The following EXOC5 variants were observed in gnomAD, a reference collection of about 807,000 sequenced individuals.
EXOC5 encodes the protein exocyst complex component 5.
In EXOC5, 17 loss-of-function variants were observed where a neutral mutation model predicts 90.8. The ratio of observed to expected loss-of-function variants is 0.19; its 90% CI spans 0.13 to 0.28. EXOC5 has a LOEUF of 0.28. Among genes scored for constraint, EXOC5 ranks in the 10% least tolerant of loss-of-function variants. The pLI is 1.00. For missense variants in EXOC5, 569 were observed against 830.6 expected, an observed-to-expected ratio of 0.69 and a Z score of 3.87; for synonymous variants, 260 against 270.0, an observed-to-expected ratio of 0.96 and a Z score of 0.36.
intron 1 of EXOC5, among the ~76,000 whole-genome samples, chr14:57,254,429 T>A (rs1313785421): frequency 1.3e-5 from 2 of 150,006 alleles, no homozygotes; most frequent in African/African-American, 4.9e-5. Flanking sequence ...AGTGAGTGAA[T>A]CTGTTCCAAA....
Position 57,218,820 on chromosome 14 carries a change from T to C in EXOC5, c.1526+502A>G, listed in dbSNP as rs566293893. The stretch of plus-strand genomic sequence containing the variant: ...TAATTCTGTAAAGCATGTTCACATA[T>C]ACACCATCTTATTTAATTCTCAAAT... On this transcript the variant is annotated intron_variant, in intron 14 of 17. Transcript: ENST00000621441. Among the ~76,000 whole-genome samples the C allele has an allele frequency of 5.3e-5, 8 of 152,236 alleles. No homozygotes were observed. In the South Asian group the frequency reaches 1.7e-3, roughly 32 times the overall value.
In EXOC5 at chr14:57,205,634, G is replaced by C. The variant is rs954014005; in HGVS notation, c.*2975C>G. On this transcript the variant is annotated 3_prime_UTR_variant, in exon 18 of 18. Coordinates refer to ENST00000621441, the MANE Select transcript of EXOC5 (RefSeq NM_006544.4). ...TTACAGGTAAGAAAAACGCATTTTAGGGAAGCAGTGAATTCTCCACTTGGA... is the reference window on the plus strand; with the variant it reads ...TTACAGGTAAGAAAAACGCATTTTACGGAAGCAGTGAATTCTCCACTTGGA... The C allele has an allele frequency of 3.1e-6, 1 of 325,986 alleles. No homozygotes were observed. Among genetic ancestry groups the C allele is most frequent in the South Asian group, 2.6e-5 (1 of 38,478 alleles). The allele number at this position is 325,986 out of a possible 1,614,324, so 20.2% of individuals were successfully genotyped here.
chr14:57,228,669 C>T (rs943684617), intron 12 of EXOC5, among the ~76,000 whole-genome samples: 3 of 144,832 alleles, frequency 2.1e-5, no homozygotes, highest in Non-Finnish European at 3.0e-5. Context: ...AACACATGGA[C>T]ACAGGGAGGG....
chr14:57,227,075 T>C (rs10148605), intron 12 of EXOC5, among the ~76,000 whole-genome samples: 22,007 of 152,054 alleles, frequency 0.14, 2,999 homozygotes, highest in African/African-American at 0.37. Context: ...ATCTGATAAA[T>C]TGTAACAATA....
chr14:57,237,375 C>A lies in EXOC5; in HGVS notation c.531-9G>T, dbSNP rs766468206. On this transcript the variant is annotated splice_polypyrimidine_tract_variant and intron_variant, in intron 5 of 17. Transcript: ENST00000621441. The stretch of plus-strand genomic sequence containing the variant: ...ATTTAACTTCTGAAAATCTGAAAGA[C>A]AAAAACCAACCATGAGGTTTGTTAG... The A allele has an allele frequency of 1.5e-5, 23 of 1,520,144 alleles. No homozygotes were observed. The African/African-American group carries it at 2.9e-4, about 19-fold the overall frequency. 94.2% of individuals were successfully genotyped at this position (1,520,144 alleles called of 1,614,324 possible).
At chr14:57,264,407 C>T (rs1884608150) in intron 1 of EXOC5, among the ~76,000 whole-genome samples, 1 of 152,120 alleles carries the variant, frequency 6.6e-6, no homozygotes, top group South Asian at 2.1e-4. Context: ...AGGTGTTCTT[C>T]AATATTCATA....
Position 57,201,533 on chromosome 14 carries a change from CCACACAT to C in EXOC5, c.*7069_*7075del, listed in dbSNP as rs1566720570. ...ACATATGTATATATATACACACACA[CCACACAT>C]ATACATATATTTTTATATATATTAA... On this transcript the variant is annotated 3_prime_UTR_variant, in exon 18 of 18. Coordinates refer to ENST00000621441, the MANE Select transcript of EXOC5 (RefSeq NM_006544.4). The C allele has an allele frequency of 3.3e-4, 44 of 134,086 alleles. No homozygotes were observed. Among genetic ancestry groups the C allele is most frequent in the African/African-American group, 1.4e-3 (43 of 30,464 alleles). 8.3% of individuals were successfully genotyped at this position (134,086 alleles called of 1,614,324 possible). A position where few individuals can be genotyped will look rare whatever the true frequency, so the allele number is the denominator to read the frequency against.
rs1007405990 is a variant in EXOC5, at chr14:57,204,397, T to A, written c.*4212A>T. On this transcript the variant is annotated 3_prime_UTR_variant, in exon 18 of 18. Transcript: ENST00000621441. ...ATGACAGCTTTTAAAACCCTTAACA[T>A]GCAATTCTGATTACATGAAAATGAC... 7 of 152,116 alleles carry A rather than the reference T, an allele frequency of 4.6e-5. No homozygotes were observed. The highest frequency in any genetic ancestry group is 3.3e-4 in the Admixed American group (5 of 15,262). The allele number at this position is 152,116 out of a possible 1,614,324, so 9.4% of individuals were successfully genotyped here.
intron 9 of EXOC5, 122 bp downstream of exon 9, chr14:57,233,621 C>G (rs948462486): frequency 1.6e-6 from 1 of 621,906 alleles, no homozygotes; most frequent in South Asian, 2.5e-5. Context: ...TTCTCCTTAA[C>G]TAGATTACTA....
At chr14:57,264,484 C>G (rs1356077226) in intron 1 of EXOC5, among the ~76,000 whole-genome samples, 1 of 152,060 alleles carries the variant, frequency 6.6e-6, no homozygotes, top group Non-Finnish European at 1.5e-5. Context: ...GCACTATTAT[C>G]AAGGAACCTA....
At chr14:57,210,649 T>C (rs1220412382) in intron 15 of EXOC5, among the ~76,000 whole-genome samples, 3 of 152,230 alleles carry the variant, frequency 2.0e-5, no homozygotes, top group Non-Finnish European at 4.4e-5. Flanking sequence ...GACACCCATG[T>C]GGACAATCCG....
intron 15 of EXOC5, among the ~76,000 whole-genome samples, chr14:57,213,671 T>G (rs1200266705): frequency 6.6e-6 from 1 of 152,070 alleles, no homozygotes; most frequent in Admixed American, 6.6e-5. Flanking sequence ...AAAAAATTTT[T>G]TTTTAAAGAT....
intron 5 of EXOC5, among the ~76,000 whole-genome samples, chr14:57,239,074 C>G (rs1298256062): frequency 6.6e-6 from 1 of 151,944 alleles, no homozygotes; most frequent in Admixed American, 6.5e-5. Flanking sequence ...AACCTGAAGT[C>G]CCTAGGAAGA....
chr14:57,264,284 G>A lies in EXOC5; in HGVS notation c.27+4338C>T, dbSNP rs1192326450. On this transcript the variant is annotated intron_variant, in intron 1 of 17. Coordinates refer to ENST00000621441, the MANE Select transcript of EXOC5 (RefSeq NM_006544.4). ...CTCCTTACTTGTGTATCTCATGTTCGTTAGTATATACCTGGCTAGCTAATT... is the reference window on the plus strand; with the variant it reads ...CTCCTTACTTGTGTATCTCATGTTCATTAGTATATACCTGGCTAGCTAATT... 5.3e-5 allele frequency among the ~76,000 whole-genome samples: 8 copies of A among 152,212 alleles called. No individual in the cohort carries two copies. The East Asian group carries it at 9.7e-4, about 18-fold the overall frequency.
chr14:57,220,423 C>G (rs775466347), intron 13 of EXOC5, among the ~76,000 whole-genome samples: 1 of 151,870 alleles, frequency 6.6e-6, no homozygotes, highest in Non-Finnish European at 1.5e-5. Flanking sequence ...AAGTTTTTAA[C>G]CACGAAATTA....
chr14:57,252,102 C>T (rs1468226783), intron 1 of EXOC5, among the ~76,000 whole-genome samples: 1 of 152,144 alleles, frequency 6.6e-6, no homozygotes, highest in Non-Finnish European at 1.5e-5. Flanking sequence ...GGAACTCATG[C>T]CTTCACTGTT....
At chr14:57,265,714 G>A (rs1308271206) in intron 1 of EXOC5, among the ~76,000 whole-genome samples, 1 of 152,188 alleles carries the variant, frequency 6.6e-6, no homozygotes, top group Non-Finnish European at 1.5e-5. Context: ...GATAGAGCAA[G>A]ACCCTGTCTC....
intron 15 of EXOC5, among the ~76,000 whole-genome samples, chr14:57,216,810 C>T (rs1025746250): frequency 2.7e-4 from 41 of 152,202 alleles, no homozygotes; most frequent in African/African-American, 8.4e-4. Flanking sequence ...TAAAGAGCTT[C>T]CGCACAGCAA....
chr14:57,227,906 G>T (rs553069852), intron 12 of EXOC5, among the ~76,000 whole-genome samples: 2 of 151,378 alleles, frequency 1.3e-5, no homozygotes, highest in African/African-American at 4.9e-5. Flanking sequence ...ACCTCACAGG[G>T]TGGTTATATG....
Sources: gnomAD v4.1 joint callset for allele counts (sites outside exome capture counted in the v4.1 genomes callset) on GRCh38, gnomAD v4.1.1 for gene constraint, MANE v1.5 for transcripts, NCBI Gene and HGNC (gene_info 2026-07-23, HGNC 2026-07-21) for gene names.